PRR16: variants seen among roughly 807,000 people sequenced by gnomAD.
The protein encoded by PRR16 is protein Largen.
In PRR16, 6 loss-of-function variants were observed where a neutral mutation model predicts 18.2. That is an observed-to-expected ratio of 0.33 (90% CI 0.18 to 0.65). The LOEUF (loss-of-function observed/expected upper bound fraction) is 0.65, where lower values mean the gene tolerates loss of function less well. Ranked by LOEUF, PRR16 falls within the 30% of genes least tolerant of loss-of-function variation. The pLI is 0.74. For missense variants in PRR16, 412 were observed against 376.6 expected (o/e 1.09, Z -0.78); for synonymous variants, 151 against 147.8 (o/e 1.02, Z -0.16).
the PRR16 span, among the ~76,000 whole-genome samples, chr5:120,721,255 C>A: frequency 2.0e-5 from 3 of 151,856 alleles, no homozygotes; most frequent in Non-Finnish European, 4.4e-5. Flanking sequence ...CTTGTTGAAG[C>A]TCATCTTAGG....
intron 1 of PRR16, among the ~76,000 whole-genome samples, chr5:120,585,119 A>T (rs1460772379): frequency 6.6e-6 from 1 of 152,238 alleles, no homozygotes; most frequent in African/African-American, 2.4e-5. Context: ...TGGACTTTGA[A>T]TTGTTAAATA....
intron 1 of PRR16, among the ~76,000 whole-genome samples, chr5:120,566,540 A>G (rs60926700): frequency 0.057 from 8,665 of 152,178 alleles, 866 homozygotes; most frequent in African/African-American, 0.2. Flanking sequence ...CTTTAGTACT[A>G]TGTTGTTTGC....
intron 1 of PRR16, among the ~76,000 whole-genome samples, chr5:120,573,180 A>T (rs527908862): frequency 7.2e-5 from 11 of 151,790 alleles, no homozygotes; most frequent in African/African-American, 2.6e-4. Flanking sequence ...TGTGACTTTA[A>T]GTCTGTGAAT....
the PRR16 span, among the ~76,000 whole-genome samples, chr5:120,780,072 C>G: frequency 6.6e-6 from 1 of 152,132 alleles, no homozygotes; most frequent in Non-Finnish European, 1.5e-5. Context: ...TAATGTCTAT[C>G]CTTTTTGTTG....
intron 1 of PRR16, among the ~76,000 whole-genome samples, chr5:120,476,423 A>G (rs1749445072): frequency 1.3e-5 from 2 of 152,196 alleles, no homozygotes; most frequent in South Asian, 2.1e-4. Flanking sequence ...TGCTTATGTC[A>G]CTTCACAGTT....
At chr5:120,735,422 C>T in the PRR16 span, among the ~76,000 whole-genome samples, 2 of 152,148 alleles carry the variant, frequency 1.3e-5, no homozygotes, top group African/African-American at 2.4e-5. Flanking sequence ...CATTATTTTA[C>T]AATCCTATCA....
chr5:120,699,468 C>T, the PRR16 span, among the ~76,000 whole-genome samples: 2 of 151,816 alleles, frequency 1.3e-5, no homozygotes, highest in South Asian at 2.1e-4. Flanking sequence ...TGTGGGAGGC[C>T]GGATTCAAGT....
the PRR16 span, among the ~76,000 whole-genome samples, chr5:120,721,555 C>G: frequency 6.6e-6 from 1 of 151,924 alleles, no homozygotes; most frequent in Non-Finnish European, 1.5e-5. Context: ...TGTGGAATCC[C>G]TAAAGAGGCA....
At chr5:120,763,216 G>A in the PRR16 span, among the ~76,000 whole-genome samples, 1 of 151,810 alleles carries the variant, frequency 6.6e-6, no homozygotes, top group Non-Finnish European at 1.5e-5. Flanking sequence ...GCATGATATC[G>A]GCTCACTGCA....
At chr5:120,768,312 A>G in the PRR16 span, among the ~76,000 whole-genome samples, 666 of 151,944 alleles carry the variant, frequency 4.4e-3, 5 homozygotes, top group African/African-American at 0.015. Context: ...AGTGCTAGCT[A>G]TTGTAATTTA....
At chr5:120,556,654 T>C (rs1580721517) in intron 1 of PRR16, among the ~76,000 whole-genome samples, 1 of 152,042 alleles carries the variant, frequency 6.6e-6, no homozygotes, top group East Asian at 1.9e-4. Flanking sequence ...GCACAGCTTG[T>C]ATGTTTTTAT....
intron 1 of PRR16, among the ~76,000 whole-genome samples, chr5:120,580,228 C>A (rs548157881): frequency 6.6e-6 from 1 of 152,210 alleles, no homozygotes; most frequent in South Asian, 2.1e-4. Context: ...TTATTTCTTT[C>A]TCTTTCCTGA....
At chr5:120,499,262 A>C (rs1168910056) in intron 1 of PRR16, among the ~76,000 whole-genome samples, 1 of 151,846 alleles carries the variant, frequency 6.6e-6, no homozygotes, top group African/African-American at 2.4e-5. Context: ...GGCAGGCACC[A>C]CCACGCCTGG....
At chr5:120,696,099 G>A in the PRR16 span, among the ~76,000 whole-genome samples, 2 of 151,958 alleles carry the variant, frequency 1.3e-5, no homozygotes, top group Admixed American at 6.6e-5. Context: ...AAAATTAGCC[G>A]GACGTAGTGG....
the PRR16 span, among the ~76,000 whole-genome samples, chr5:120,741,917 GATAC>G: frequency 6.6e-6 from 1 of 152,076 alleles, no homozygotes; most frequent in Non-Finnish European, 1.5e-5. Flanking sequence ...GGTTTTTATA[GATAC>G]TATAAGATTT....
At position 120,464,557 on chromosome 5, in the gene PRR16, C is replaced by T. The variant is rs754484426; in HGVS notation, c.71C>T (p.Thr24Ile). Reference sequence around the variant, plus strand: ...GAGGGACCGCCGGCAGCCTCCAAAACCAAGGTGAAGGAACAGATCAAGATC... The same window carrying T: ...GAGGGACCGCCGGCAGCCTCCAAAATCAAGGTGAAGGAACAGATCAAGATC... ...PAEGPPAASK[T>I]KVKEQIKIIV... The change falls in exon 1 of 2, where the codon ACC becomes ATC. Residue 24 changes from threonine to isoleucine, a missense_variant. By Grantham distance (89) the Thr-to-Ile change is moderately conservative. Transcript: ENST00000407149. 1.2e-5 allele frequency: 19 copies of T among 1,590,890 alleles called. No individual in the cohort carries two copies. The African/African-American group carries it at 2.0e-4, about 17-fold the overall frequency.
chr5:120,741,571 A>G, the PRR16 span, among the ~76,000 whole-genome samples: 1 of 152,128 alleles, frequency 6.6e-6, no homozygotes, highest in Non-Finnish European at 1.5e-5. Context: ...TCAATATTTC[A>G]TCATTAAGTA....
chr5:120,565,267 A>G (rs1369546889), intron 1 of PRR16, among the ~76,000 whole-genome samples: 2 of 152,150 alleles, frequency 1.3e-5, no homozygotes, highest in Non-Finnish European at 2.9e-5. Flanking sequence ...TCCTAGCTGA[A>G]CTTTTCAATT....
chr5:120,717,873 T>C, the PRR16 span, among the ~76,000 whole-genome samples: 2 of 152,194 alleles, frequency 1.3e-5, no homozygotes, highest in African/African-American at 4.8e-5. Flanking sequence ...TATCCGAATC[T>C]AAATAGAAAT....
Sources: allele counts gnomAD v4.1 joint callset (sites outside exome capture counted in the v4.1 genomes callset), GRCh38; gene constraint gnomAD v4.1.1; transcripts MANE v1.5; gene names NCBI Gene and HGNC (gene_info 2026-07-23, HGNC 2026-07-21).